Variants in AVL9 observed in about 807,000 individuals in gnomAD.
The protein encoded by AVL9 is AVL9 cell migration associated.
In AVL9, 49 loss-of-function variants were observed where a neutral mutation model predicts 79.2. The ratio of observed to expected loss-of-function variants is 0.62; its 90% CI spans 0.49 to 0.79. AVL9 has a LOEUF of 0.79. Ranked by LOEUF, AVL9 falls within the 30% of genes least tolerant of loss-of-function variation. AVL9 has a pLI of 0.00. For synonymous variants in AVL9, 299 were observed against 280.6 expected (o/e 1.07, Z -0.65); for missense variants, 682 against 776.8 (o/e 0.88, Z 1.45).
intron 3 of AVL9, among the ~76,000 whole-genome samples, chr7:32,545,659 T>C (rs1235577050): frequency 1.3e-5 from 2 of 152,160 alleles, no homozygotes; most frequent in Non-Finnish European, 2.9e-5. Flanking sequence ...CCAGCCTTGA[T>C]TATTCTTAAA....
At chr7:32,505,701 C>T (rs570681189) in intron 1 of AVL9, among the ~76,000 whole-genome samples, 10 of 152,114 alleles carry the variant, frequency 6.6e-5, no homozygotes, top group African/African-American at 1.2e-4. Flanking sequence ...TCTCCACTTG[C>T]GTTCTTTAAT....
At chr7:32,571,888 GCA>G (rs1790861342) in intron 11 of AVL9, among the ~76,000 whole-genome samples, 1 of 152,016 alleles carries the variant, frequency 6.6e-6, no homozygotes. Flanking sequence ...ATCTGGCCGG[GCA>G]CAGTGGCTCA....
chr7:32,547,459 T>C (rs1246812175), intron 3 of AVL9, among the ~76,000 whole-genome samples: 2 of 152,220 alleles, frequency 1.3e-5, no homozygotes, highest in Non-Finnish European at 2.9e-5. Context: ...ATCTGTTCCT[T>C]TTAATACCTT....
intron 12 of AVL9, 55 bp downstream of exon 12, chr7:32,573,473 G>A: frequency 1.3e-6 from 2 of 1,496,754 alleles, no homozygotes; most frequent in Non-Finnish European, 1.8e-6. Flanking sequence ...TTTTCATTTT[G>A]TAACATTTAT....
At chr7:32,552,573 C>T (rs75352266) in intron 6 of AVL9, among the ~76,000 whole-genome samples, 8,842 of 151,392 alleles carry the variant, frequency 0.058, 366 homozygotes, top group Non-Finnish European at 0.083. Flanking sequence ...AAATGGATAG[C>T]ATTTTCTCAC....
chr7:32,498,389 C>T (rs1786960787), intron 1 of AVL9, among the ~76,000 whole-genome samples: 1 of 151,958 alleles, frequency 6.6e-6, no homozygotes, highest in Admixed American at 6.6e-5. Flanking sequence ...GCTGGGATTA[C>T]AGGCATGCAC....
At chr7:32,549,674 G>A (rs1345193784) in intron 4 of AVL9, among the ~76,000 whole-genome samples, 1 of 151,570 alleles carries the variant, frequency 6.6e-6, no homozygotes. Flanking sequence ...CAGCACTTTG[G>A]AAGGCCGAGG....
At chr7:32,551,483 AT>A in intron 5 of AVL9, 60 bp downstream of exon 5, 3 of 930,140 alleles carry the variant, frequency 3.2e-6, no homozygotes, top group Admixed American at 4.0e-5. Context: ...AATCAAGTAA[AT>A]ATTGTCAGTA....
intron 13 of AVL9, among the ~76,000 whole-genome samples, chr7:32,579,534 TATTA>T (rs1287091495): frequency 0.043 from 214 of 4,962 alleles, 65 homozygotes; most frequent in Middle Eastern, 0.25. Context: ...TTATATATTA[TATTA>T]TATATTATAT....
chr7:32,570,159 G>GT lies in AVL9; in HGVS notation c.1350+8dup. On this transcript the variant is annotated splice_donor_region_variant and intron_variant, in intron 11 of 15. Transcript: ENST00000318709. ...CTCAGTGATGCCATTGTGGAAGTAC[G>GT]TTTATGTGTGAGTGTGTGTATTTGG... 6.2e-7 allele frequency: 1 copy of GT among 1,614,112 alleles called. No homozygotes were observed. Among genetic ancestry groups the GT allele is most frequent in the South Asian group, 1.1e-5 (1 of 91,078 alleles).
At chr7:32,527,310 T>C (rs1006068398) in intron 1 of AVL9, among the ~76,000 whole-genome samples, 1 of 152,182 alleles carries the variant, frequency 6.6e-6, no homozygotes, top group Non-Finnish European at 1.5e-5. Flanking sequence ...GTTCAGTTAC[T>C]GATAGGATAA....
chr7:32,561,694 C>T (rs765738106), intron 10 of AVL9, among the ~76,000 whole-genome samples: 39 of 152,056 alleles, frequency 2.6e-4, no homozygotes, highest in Non-Finnish European at 1.3e-4. Context: ...TAATTTCCTT[C>T]AAAAACTTTT....
intron 1 of AVL9, among the ~76,000 whole-genome samples, chr7:32,501,796 G>T (rs1326657179): frequency 2.0e-5 from 3 of 152,116 alleles, no homozygotes; most frequent in African/African-American, 7.2e-5. Context: ...TCATGTCATT[G>T]ATATGATTCA....
chr7:32,501,670 A>T (rs1296082249), intron 1 of AVL9, among the ~76,000 whole-genome samples: 1 of 152,222 alleles, frequency 6.6e-6, no homozygotes, highest in Non-Finnish European at 1.5e-5. Flanking sequence ...TATCAGGAAG[A>T]TTCCTTTGTT....
intron 1 of AVL9, among the ~76,000 whole-genome samples, chr7:32,541,291 TA>T (rs1317331348): frequency 6.6e-6 from 1 of 152,100 alleles, no homozygotes; most frequent in Non-Finnish European, 1.5e-5. Context: ...TTGGGGTACA[TA>T]ATGTTTGTTT....
At chr7:32,520,973 G>A (rs1440732614) in intron 1 of AVL9, among the ~76,000 whole-genome samples, 1 of 152,028 alleles carries the variant, frequency 6.6e-6, no homozygotes, top group African/African-American at 2.4e-5. Flanking sequence ...GAGATCTGAT[G>A]GGTTTATCAA....
At chr7:32,521,940 G>T (rs1788174403) in intron 1 of AVL9, among the ~76,000 whole-genome samples, 1 of 152,216 alleles carries the variant, frequency 6.6e-6, no homozygotes, top group South Asian at 2.1e-4. Context: ...GGCCTCAGAG[G>T]GTGGAAGCCC....
At chr7:32,566,225 G>A (rs1479533488) in intron 10 of AVL9, among the ~76,000 whole-genome samples, 2 of 116,254 alleles carry the variant, frequency 1.7e-5, no homozygotes, top group African/African-American at 6.7e-5. Flanking sequence ...TGCCCAGCCT[G>A]GAATGCAGTG....
At chr7:32,540,521 G>A (rs1789131762) in intron 1 of AVL9, among the ~76,000 whole-genome samples, 1 of 152,184 alleles carries the variant, frequency 6.6e-6, no homozygotes, top group Non-Finnish European at 1.5e-5. Flanking sequence ...GGTCATGCCT[G>A]TGGGAAGTTC....
Sources: allele counts gnomAD v4.1 joint callset (sites outside exome capture counted in the v4.1 genomes callset), GRCh38; gene constraint gnomAD v4.1.1; transcripts MANE v1.5; gene names NCBI Gene and HGNC (gene_info 2026-07-23, HGNC 2026-07-21).